UNC5C: variants seen among roughly 807,000 people sequenced by gnomAD.
The protein encoded by UNC5C is netrin receptor UNC5C.
A neutral mutation model predicts 99.8 loss-of-function variants in UNC5C; 47 were observed. The ratio of observed to expected loss-of-function variants is 0.47; its 90% CI spans 0.37 to 0.60. UNC5C has a LOEUF of 0.60. Among genes scored for constraint, UNC5C ranks in the 20% least tolerant of loss-of-function variants. UNC5C has a pLI of 0.00. For missense variants in UNC5C, 1,062 were observed against 1,165.9 expected (o/e 0.91, Z 1.30); for synonymous variants, 487 against 452.2 (o/e 1.08, Z -0.98).
intron 12 of UNC5C, among the ~76,000 whole-genome samples, chr4:95,191,526 A>G (rs1310839462): frequency 2.0e-5 from 3 of 151,420 alleles, no homozygotes; most frequent in African/African-American, 7.3e-5. Context: ...TGTTGCCTAC[A>G]CCCTCTGCTC....
chr4:95,459,025 A>T (rs1273853461), intron 1 of UNC5C, among the ~76,000 whole-genome samples: 1 of 152,116 alleles, frequency 6.6e-6, no homozygotes, highest in Admixed American at 6.6e-5. Flanking sequence ...TGTGGATATT[A>T]CTAGTATCTT....
At chr4:95,446,282 A>G (rs1212633393) in intron 1 of UNC5C, among the ~76,000 whole-genome samples, 6 of 152,180 alleles carry the variant, frequency 3.9e-5, no homozygotes, top group Non-Finnish European at 5.9e-5. Flanking sequence ...AAAAAAATCT[A>G]CAAAATGGAA....
intron 14 of UNC5C, among the ~76,000 whole-genome samples, chr4:95,172,603 C>G (rs1417644752): frequency 2.6e-5 from 4 of 151,748 alleles, no homozygotes; most frequent in Admixed American, 2.0e-4. Context: ...GTCTATATCT[C>G]TGTTTTGGTA....
At chr4:95,306,859 C>G (rs966038615) in intron 2 of UNC5C, among the ~76,000 whole-genome samples, 2 of 152,116 alleles carry the variant, frequency 1.3e-5, no homozygotes, top group Non-Finnish European at 2.9e-5. Flanking sequence ...AAGAAATATA[C>G]AAAGCTGCAG....
intron 1 of UNC5C, among the ~76,000 whole-genome samples, chr4:95,497,455 C>A (rs1406739991): frequency 6.6e-6 from 1 of 151,714 alleles, no homozygotes; most frequent in African/African-American, 2.4e-5. Flanking sequence ...AAGAAAGATC[C>A]CTGTTTATTC....
intron 1 of UNC5C, among the ~76,000 whole-genome samples, chr4:95,396,124 A>G (rs1033071769): frequency 6.6e-6 from 1 of 152,234 alleles, no homozygotes; most frequent in African/African-American, 2.4e-5. Context: ...GGATATTAAT[A>G]GGAGGGTTTG....
intron 1 of UNC5C, among the ~76,000 whole-genome samples, chr4:95,400,929 A>C (rs1240742979): frequency 6.6e-6 from 1 of 152,216 alleles, no homozygotes; most frequent in Non-Finnish European, 1.5e-5. Context: ...GGGAGTAGGA[A>C]ACTAATACAG....
chr4:95,384,060 A>G (rs1373115357), intron 1 of UNC5C, among the ~76,000 whole-genome samples: 1 of 152,208 alleles, frequency 6.6e-6, no homozygotes, highest in Non-Finnish European at 1.5e-5. Context: ...GCCATTAATT[A>G]GTAGTACAGT....
At chr4:95,248,488 T>TCAAGGTCTCAAA (rs1739580880) in intron 5 of UNC5C, 2 of 452,366 alleles carry the variant, frequency 4.4e-6, no homozygotes, top group Non-Finnish European at 8.9e-6. Context: ...CTCAACTTCC[T>TCAAGGTCTCAAA]GTCCTTGAGG....
intron 12 of UNC5C, among the ~76,000 whole-genome samples, chr4:95,197,659 T>G (rs73839932): frequency 0.045 from 6,845 of 152,172 alleles, 524 homozygotes; most frequent in African/African-American, 0.16. Flanking sequence ...ATGGAAGAAC[T>G]GCCGTGGGAA....
At chr4:95,344,033 G>T (rs1743677796) in intron 1 of UNC5C, among the ~76,000 whole-genome samples, 1 of 151,886 alleles carries the variant, frequency 6.6e-6, no homozygotes, top group South Asian at 2.1e-4. Flanking sequence ...TTATTCAAAG[G>T]GATAATAACA....
At chr4:95,443,507 A>G (rs1323852851) in intron 1 of UNC5C, among the ~76,000 whole-genome samples, 1 of 152,242 alleles carries the variant, frequency 6.6e-6, no homozygotes, top group African/African-American at 2.4e-5. Context: ...TATATGAACA[A>G]TCAAAGCAAT....
At chr4:95,404,284 C>T (rs1299940522) in intron 1 of UNC5C, among the ~76,000 whole-genome samples, 1 of 151,620 alleles carries the variant, frequency 6.6e-6, no homozygotes, top group African/African-American at 2.4e-5. Flanking sequence ...CAAAAGTAGC[C>T]CTGAGTTATT....
At position 95,545,760 on chromosome 4, in the gene UNC5C, A is replaced by ACG. The variant is rs1227773272; in HGVS notation, c.124+2972_124+2973dup. Among the ~76,000 whole-genome samples, 119 of 143,560 alleles carry ACG rather than the reference A, an allele frequency of 8.3e-4. 1 individual carries two copies. The highest frequency in any genetic ancestry group is 7.4e-3 in the Middle Eastern group (2 of 272). 94.2% of individuals were successfully genotyped at this position (143,560 alleles called of 152,430 possible). ...TCAGAAGCACACTGATCTCACACAC[A>ACG]CGCGCGCGCGCGCACACACACACAC... On this transcript the variant is annotated intron_variant, in intron 1 of 15. Transcript: ENST00000453304.
chr4:95,326,919 CT>C, intron 2 of UNC5C, among the ~76,000 whole-genome samples: 1 of 152,232 alleles, frequency 6.6e-6, no homozygotes, highest in East Asian at 1.9e-4. Flanking sequence ...TAGCTTGTCA[CT>C]AAATATCCTT....
At chr4:95,288,778 T>C (rs994172267) in intron 3 of UNC5C, among the ~76,000 whole-genome samples, 3 of 152,344 alleles carry the variant, frequency 2.0e-5, no homozygotes, top group Admixed American at 1.3e-4. Flanking sequence ...CTTCAATCTG[T>C]GTCAATCTCC....
Position 95,424,518 on chromosome 4 carries a change from C to CTTTTTTTTTTTTTTT in UNC5C, c.125-88902_125-88888dup, listed in dbSNP as rs536039867. On this transcript the variant is annotated intron_variant, in intron 1 of 15. Coordinates refer to ENST00000453304, the MANE Select transcript of UNC5C (RefSeq NM_003728.4). ...GGCTTCAGAATTTTTTTTTTCTTTTCTTTTTTTTTTTTTTTTTTTTTGAGA... is the reference window on the plus strand; with the variant it reads ...GGCTTCAGAATTTTTTTTTTCTTTTCTTTTTTTTTTTTTTTTTTTTTTTTTTTTTTTTTTTTGAGA... 5.8e-3 allele frequency among the ~76,000 whole-genome samples: 395 copies of CTTTTTTTTTTTTTTT among 67,934 alleles called. 38 individuals are homozygous for CTTTTTTTTTTTTTTT. Among genetic ancestry groups the CTTTTTTTTTTTTTTT allele is most frequent in the East Asian group, 0.039 (58 of 1,500 alleles). 44.6% of individuals were successfully genotyped at this position (67,934 alleles called of 152,430 possible).
At chr4:95,526,497 CTTTAAA>C (rs1289492281) in intron 1 of UNC5C, among the ~76,000 whole-genome samples, 1 of 151,972 alleles carries the variant, frequency 6.6e-6, no homozygotes, top group Admixed American at 6.6e-5. Flanking sequence ...TCAAGCTATA[CTTTAAA>C]TTTAAGTCTA....
In UNC5C at chr4:95,219,257, C is replaced by T; in HGVS notation, c.1357G>A (p.Val453Ile). The change falls in exon 9 of 16, where the codon GTC (valine) becomes ATC (isoleucine). Residue 453 changes from valine (V) to isoleucine (I), a missense_variant. Physicochemically the swap from Val to Ile is conservative, Grantham distance 29 (BLOSUM62 3). This residue lies in a region of UNC5C where 810 missense variants were observed against 854.5 expected (regional missense o/e 0.95). Coordinates refer to ENST00000453304, the MANE Select transcript of UNC5C (RefSeq NM_003728.4). ...TSAAAMYRGP[V>I]YALHDVSDKI... is the part of the protein sequence containing the mutation. ...TCTGAGACGTCATGCAGGGCATAGACAGGTCCTCTGTACATGGCTGCAGCT... is the reference window on the plus strand; with the variant it reads ...TCTGAGACGTCATGCAGGGCATAGATAGGTCCTCTGTACATGGCTGCAGCT... 6.2e-7 allele frequency: 1 copy of T among 1,614,162 alleles called. No homozygotes were observed. Among genetic ancestry groups the T allele is most frequent in the Non-Finnish European group, 8.5e-7 (1 of 1,180,018 alleles).
Sources: gnomAD v4.1 joint callset for allele counts (sites outside exome capture counted in the v4.1 genomes callset) on GRCh38, gnomAD v4.1.1 for gene constraint, gnomAD v4.1.1 regional missense constraint, MANE v1.5 for transcripts, NCBI Gene and HGNC (gene_info 2026-07-23, HGNC 2026-07-21) for gene names.